PITPNM2: variants seen among roughly 807,000 people sequenced by gnomAD.
The protein encoded by PITPNM2 is phosphatidylinositol transfer protein membrane associated 2.
A neutral mutation model predicts 132.2 loss-of-function variants in PITPNM2; 35 were observed. The ratio of observed to expected loss-of-function variants is 0.26; its 90% CI spans 0.20 to 0.35. The LOEUF (loss-of-function observed/expected upper bound fraction) is 0.35, where lower values mean the gene tolerates loss of function less well. Ranked by LOEUF, PITPNM2 falls within the 10% of genes least tolerant of loss-of-function variation. The pLI is 1.00. For missense variants in PITPNM2, 1,332 were observed against 1,912.0 expected (o/e 0.70, Z 5.66); for synonymous variants, 738 against 799.2 (o/e 0.92, Z 1.29).
At chr12:123,056,369 C>T (rs1410255457) in intron 2 of PITPNM2, among the ~76,000 whole-genome samples, 1 of 152,160 alleles carries the variant, frequency 6.6e-6, no homozygotes, top group Non-Finnish European at 1.5e-5. Context: ...GTCTCATGTC[C>T]ACGTTGCCCG....
At chr12:123,143,684 G>A (rs1238628570) in intron 1 of PITPNM2, among the ~76,000 whole-genome samples, 3 of 152,214 alleles carry the variant, frequency 2.0e-5, no homozygotes, top group South Asian at 4.1e-4. Context: ...TTGCAGGGCT[G>A]CCGCCAGAAC....
rs1218865464 is a variant in PITPNM2, at chr12:123,077,523, T to C, written c.-96+32862A>G. ...GCCCCGTGGCAATCACAGTGGAAAA[T>C]GGAAGTACAATGGAGTGCTGTACCT... On this transcript the variant is annotated intron_variant, in intron 2 of 25. Coordinates refer to ENST00000320201, the MANE Select transcript of PITPNM2 (RefSeq NM_020845.3). The surrounding 1 kb of genome is among the most constrained non-coding windows in gnomAD (Gnocchi z 4.8). Among the ~76,000 whole-genome samples, 1 of 151,986 alleles carries C rather than the reference T, an allele frequency of 6.6e-6. No homozygotes were observed. Among genetic ancestry groups the C allele is most frequent in the African/African-American group, 2.4e-5 (1 of 41,342 alleles).
chr12:123,024,669 A>T (rs1219596987), intron 3 of PITPNM2, among the ~76,000 whole-genome samples: 1 of 152,246 alleles, frequency 6.6e-6, no homozygotes, highest in Non-Finnish European at 1.5e-5. Context: ...GAAGCCAGAC[A>T]CAAAAGGACA....
intron 2 of PITPNM2, chr12:123,091,633 C>T (rs1410580852): frequency 3.9e-5 from 6 of 152,148 alleles, no homozygotes; most frequent in Admixed American, 3.9e-4. Flanking sequence ...CATTTGAGCA[C>T]TACAAGCACT....
rs145933426 is a variant in PITPNM2, at chr12:123,107,056, C to T, written c.-96+3329G>A. ...GCTGGAGGTGGGGATGGGGGTACAG[C>T]ATGGGGAGGTGGGGACGTGCCCTGG... On this transcript the variant is annotated intron_variant, in intron 2 of 25. Coordinates refer to ENST00000320201, the MANE Select transcript of PITPNM2 (RefSeq NM_020845.3). Among the ~76,000 whole-genome samples the T allele has an allele frequency of 3.2e-3, 490 of 152,178 alleles. 3 individuals are homozygous for T. Among genetic ancestry groups the T allele is most frequent in the African/African-American group, 0.011 (463 of 41,494 alleles).
At chr12:123,118,872 CT>C (rs2042980530) in intron 1 of PITPNM2, among the ~76,000 whole-genome samples, 2 of 152,212 alleles carry the variant, frequency 1.3e-5, no homozygotes, top group South Asian at 4.1e-4. Context: ...CATCTGGCTA[CT>C]GGACATGGTA....
In PITPNM2 at chr12:123,008,428, C is replaced by T. The variant is rs77113709; in HGVS notation, c.643+1422G>A. ...GGAGGTCGAGAAGGGCGGTAGGGGACGCCCTGCCCAGGATAGGGGAGCCCC... is the reference window on the plus strand; with the variant it reads ...GGAGGTCGAGAAGGGCGGTAGGGGATGCCCTGCCCAGGATAGGGGAGCCCC... On this transcript the variant is annotated intron_variant, in intron 6 of 25. Coordinates refer to ENST00000320201, the MANE Select transcript of PITPNM2 (RefSeq NM_020845.3). The surrounding 1 kb of genome is among the most constrained non-coding windows in gnomAD (Gnocchi z 4.1). Among the ~76,000 whole-genome samples the T allele has an allele frequency of 0.042, 6,365 of 152,232 alleles. 444 individuals are homozygous for T. Among genetic ancestry groups the T allele is most frequent in the African/African-American group, 0.14 (5,965 of 41,502 alleles).
At chr12:123,139,266 C>T (rs959655922) in intron 1 of PITPNM2, among the ~76,000 whole-genome samples, 2 of 151,912 alleles carry the variant, frequency 1.3e-5, no homozygotes, top group African/African-American at 4.8e-5. Flanking sequence ...TTTGGGAGGC[C>T]GAGGCAGGCG....
At chr12:123,133,479 C>A (rs1241502359) in intron 1 of PITPNM2, among the ~76,000 whole-genome samples, 1 of 152,192 alleles carries the variant, frequency 6.6e-6, no homozygotes, top group Non-Finnish European at 1.5e-5. Flanking sequence ...GAAGCCAATG[C>A]ACCAAAGTCA....
chr12:123,029,854 T>TGC (rs2040013708), intron 3 of PITPNM2, among the ~76,000 whole-genome samples: 2 of 150,210 alleles, frequency 1.3e-5, no homozygotes, highest in Non-Finnish European at 2.9e-5. Flanking sequence ...TGTGTGTGTG[T>TGC]GTGCACTAGA....
chr12:123,035,813 A>G (rs1450023458), intron 2 of PITPNM2, among the ~76,000 whole-genome samples: 1 of 152,222 alleles, frequency 6.6e-6, no homozygotes, highest in Non-Finnish European at 1.5e-5. Context: ...CATGCTGTTA[A>G]CATGAAGCCA....
chr12:123,004,615 G>T lies in PITPNM2; in HGVS notation c.953-126C>A. On this transcript the variant is annotated intron_variant, in intron 7 of 25. Coordinates refer to ENST00000320201, the MANE Select transcript of PITPNM2 (RefSeq NM_020845.3). The surrounding 1 kb of genome is among the most constrained non-coding windows in gnomAD (Gnocchi z 4.9). The stretch of plus-strand genomic sequence containing the variant: ...AGGCATCACAGAGGCTGCCACAGGA[G>T]CCAGGAAGGTTCCGAAGAGAATGAA... The T allele has an allele frequency of 1.2e-6, 1 of 843,948 alleles. No individual in the cohort carries two copies. Among genetic ancestry groups the T allele is most frequent in the Non-Finnish European group, 2.0e-6 (1 of 506,136 alleles). 52.3% of individuals were successfully genotyped at this position (843,948 alleles called of 1,614,324 possible).
intron 23 of PITPNM2, 29 bp from the exon 24 acceptor site, chr12:122,986,858 C>A: frequency 6.4e-7 from 1 of 1,568,832 alleles, no homozygotes; most frequent in Admixed American, 1.9e-5. Flanking sequence ...CTCATGGTCA[C>A]CCCTTCCTCC....
intron 2 of PITPNM2, among the ~76,000 whole-genome samples, chr12:123,053,819 C>T (rs755880165): frequency 2.0e-5 from 3 of 152,158 alleles, no homozygotes; most frequent in Non-Finnish European, 4.4e-5. Context: ...CTGCCCGCCT[C>T]AGCCTCCCAA....
chr12:123,144,926 C>T (rs1446687284), intron 1 of PITPNM2, among the ~76,000 whole-genome samples: 1 of 152,194 alleles, frequency 6.6e-6, no homozygotes, highest in African/African-American at 2.4e-5. Context: ...AAAATATTGT[C>T]CCCGCAGGCT....
rs372655253 is a variant in PITPNM2, at chr12:122,994,942, G to A, written c.2092C>T (p.Arg698Cys). 5.0e-6 allele frequency: 8 copies of A among 1,610,754 alleles called. No homozygotes were observed. In the African/African-American group the frequency reaches 5.3e-5, roughly 11 times the overall value. Residue 698 changes from arginine (R) to cysteine (C), a missense_variant, in exon 15 of 26, where the codon CGC (arginine) becomes TGC (cysteine). By Grantham distance (180) the Arg-to-Cys change is radical (BLOSUM62 -3). This residue lies in a region of PITPNM2 where 710 missense variants were observed against 911.5 expected (regional missense o/e 0.78). Transcript: ENST00000320201. The surrounding 1 kb of genome is among the most constrained non-coding windows in gnomAD (Gnocchi z 5.4). The stretch of plus-strand genomic sequence containing the variant: ...AGCATGGTGGAGCTGCTGGAATGGC[G>A]TGAGCAGGGCTCAGTCCTCAGCACG... Reference protein sequence around the residue: ...ASVLRTEPCSRHSSSSTMLDG... With the variant: ...ASVLRTEPCSCHSSSSTMLDG...
chr12:123,136,664 G>A (rs2043388039), intron 1 of PITPNM2, among the ~76,000 whole-genome samples: 3 of 152,280 alleles, frequency 2.0e-5, no homozygotes, highest in East Asian at 3.9e-4. Context: ...TTGGGAGGCT[G>A]AGGTGGGTGG....
At chr12:123,107,055 G>A (rs2042732837) in intron 2 of PITPNM2, among the ~76,000 whole-genome samples, 2 of 152,178 alleles carry the variant, frequency 1.3e-5, no homozygotes, top group Admixed American at 6.5e-5. Context: ...TGGGGGTACA[G>A]CATGGGGAGG....
chr12:123,059,372 C>A (rs993517630), intron 2 of PITPNM2, among the ~76,000 whole-genome samples: 1 of 152,242 alleles, frequency 6.6e-6, no homozygotes, highest in Non-Finnish European at 1.5e-5. Flanking sequence ...CAGGGAGGAA[C>A]TGCCTGGGAA....
Sources: allele counts gnomAD v4.1 joint callset (sites outside exome capture counted in the v4.1 genomes callset), GRCh38; gene constraint gnomAD v4.1.1; regional missense constraint gnomAD v4.1.1; non-coding constraint Gnocchi (gnomAD v3.1); transcripts MANE v1.5; gene names NCBI Gene and HGNC (gene_info 2026-07-23, HGNC 2026-07-21).